The following CLIP1 variants were observed in gnomAD, a reference collection of about 807,000 sequenced individuals.
CLIP1 encodes CAP-Gly domain containing linker protein 1.
In CLIP1, 66 loss-of-function variants were observed where a neutral mutation model predicts 161.6. That is an observed-to-expected ratio of 0.41 (90% CI 0.33 to 0.50). The LOEUF is 0.50. Among genes scored for constraint, CLIP1 ranks in the 20% least tolerant of loss-of-function variants. The probability of loss-of-function intolerance (pLI) is 0.27; values close to 1 mark genes in which losing one functional copy is unlikely to be tolerated. For missense variants in CLIP1, 1,376 were observed against 1,702.0 expected (o/e 0.81, Z 3.37); for synonymous variants, 598 against 626.2 (o/e 0.96, Z 0.67).
At chr12:122,386,406 T>C (rs1190512155) in intron 1 of CLIP1, among the ~76,000 whole-genome samples, 1 of 152,334 alleles carries the variant, frequency 6.6e-6, no homozygotes, top group Middle Eastern at 3.4e-3. Context: ...AAAACGTCTA[T>C]TGACTAATGG....
chr12:122,311,921 G>A lies in CLIP1; in HGVS notation c.3474-2039C>T, dbSNP rs1160311886. On this transcript the variant is annotated intron_variant, in intron 19 of 25. Transcript: ENST00000620786. The surrounding 1 kb of genome is among the most constrained non-coding windows in gnomAD (Gnocchi z 4.3). ...GAGCTACAGCTGGCAGATGACTTCA[G>A]TCGTGGTTCAGATATAGAGCACTTT... Among the ~76,000 whole-genome samples the A allele has an allele frequency of 6.6e-6, 1 of 152,198 alleles. No homozygotes were observed. The highest frequency in any genetic ancestry group is 2.4e-5 in the African/African-American group (1 of 41,450).
chr12:122,378,519 T>TA (rs1202322842), intron 2 of CLIP1, among the ~76,000 whole-genome samples: 1 of 152,160 alleles, frequency 6.6e-6, no homozygotes, highest in Non-Finnish European at 1.5e-5. Context: ...TATTTGCAAT[T>TA]AAGATTAGAA....
chr12:122,352,933 C>T (rs1335202837), intron 7 of CLIP1, 147 bp from the exon 8 acceptor site: 9 of 660,590 alleles, frequency 1.4e-5, no homozygotes, highest in Middle Eastern at 3.4e-4. Context: ...GCAGGAGGAT[C>T]GCTTGAGGCC....
intron 23 of CLIP1, 44 bp from the exon 24 acceptor site, chr12:122,278,247 T>G (rs2136218507): frequency 2.8e-4 from 371 of 1,325,668 alleles, no homozygotes; most frequent in Non-Finnish European, 3.5e-4. Context: ...GGAGGGAGAA[T>G]ATATGTATAT....
chr12:122,302,762 A>C (rs1370758810), intron 20 of CLIP1, among the ~76,000 whole-genome samples: 6 of 151,624 alleles, frequency 4.0e-5, no homozygotes, highest in Non-Finnish European at 4.4e-5. Context: ...ACGCCTGGCT[A>C]ATTTTTGTAT....
chr12:122,323,400 G>A lies in CLIP1; in HGVS notation c.3250-4052C>T, dbSNP rs1361462485. 6.6e-6 allele frequency: 1 copy of A among 152,610 alleles called. No homozygotes were observed. Among genetic ancestry groups the A allele is most frequent in the East Asian group, 1.9e-4 (1 of 5,196 alleles). 9.5% of individuals were successfully genotyped at this position (152,610 alleles called of 1,614,324 possible). On this transcript the variant is annotated intron_variant, in intron 17 of 25. Coordinates refer to ENST00000620786, the MANE Select transcript of CLIP1 (RefSeq NM_001247997.2). This position sits in a 1 kb window ranked among gnomAD's most constrained non-coding sequence, Gnocchi z 4.1. ...GCCAAGGTTTCTTTCTCATGCAGAA[G>A]CTGGATGCACTCGGAGTCCGTGACC...
chr12:122,348,857 G>C (rs1002525459), intron 9 of CLIP1, among the ~76,000 whole-genome samples: 1 of 152,134 alleles, frequency 6.6e-6, no homozygotes. Context: ...CAGTAGAGGG[G>C]GGAATGTAAA....
chr12:122,422,373 C>G (rs991343001), intron 1 of CLIP1, 148 bp downstream of exon 1: 3 of 151,732 alleles, frequency 2.0e-5, no homozygotes, highest in African/African-American at 7.3e-5. Flanking sequence ...CCCTCCCGGA[C>G]GGCTCCGGCG....
chr12:122,294,729 C>A (rs1483414024), intron 20 of CLIP1, among the ~76,000 whole-genome samples: 2 of 151,846 alleles, frequency 1.3e-5, no homozygotes, highest in African/African-American at 4.8e-5. Flanking sequence ...CAGAGTGAGA[C>A]CCTGTCTCAA....
chr12:122,333,497 GCAC>G (rs1255508712), intron 14 of CLIP1, among the ~76,000 whole-genome samples: 1 of 152,188 alleles, frequency 6.6e-6, no homozygotes, highest in African/African-American at 2.4e-5. Context: ...CCACGTCTGA[GCAC>G]CACAAGGAGG....
rs962660320 is a variant in CLIP1 at position 122,310,943 on chromosome 12, A to T, written c.3474-1061T>A. Reference sequence around the variant, plus strand: ...ATATGCACACTGGGATGACCTCAGGAAGACTTAGGGAAATAAATCCACACA... The same window carrying T: ...ATATGCACACTGGGATGACCTCAGGTAGACTTAGGGAAATAAATCCACACA... On this transcript the variant is annotated intron_variant, in intron 19 of 25. Coordinates refer to ENST00000620786, the MANE Select transcript of CLIP1 (RefSeq NM_001247997.2). Among the ~76,000 whole-genome samples, 5 of 152,328 alleles carry T rather than the reference A, an allele frequency of 3.3e-5. No homozygotes were observed. The East Asian group carries it at 9.6e-4, about 29-fold the overall frequency.
chr12:122,278,092 C>T (rs745422705), intron 24 of CLIP1, 62 bp downstream of exon 24: 105 of 1,476,554 alleles, frequency 7.1e-5, no homozygotes, highest in East Asian at 1.8e-4. Flanking sequence ...GGAAAATAAA[C>T]GAAAAGATTC....
At chr12:122,418,423 A>G (rs984611373) in intron 1 of CLIP1, among the ~76,000 whole-genome samples, 1 of 152,146 alleles carries the variant, frequency 6.6e-6, no homozygotes, top group African/African-American at 2.4e-5. Context: ...TTGACCTTCC[A>G]TCTCATTTCT....
Position 122,279,407 on chromosome 12 carries a change from G to T in CLIP1, c.3648-262C>A. The T allele has an allele frequency of 1.6e-4, 26 of 160,362 alleles. No homozygotes were observed. Among genetic ancestry groups the T allele is most frequent in the East Asian group, 3.4e-4 (2 of 5,958 alleles). 9.9% of individuals were successfully genotyped at this position (160,362 alleles called of 1,614,324 possible). Reference sequence around the variant, plus strand: ...TATCCATTTGAACTTAAAGAAACAAGTTAATAAATTTGGAAGAGGTAGAAT... The same window carrying T: ...TATCCATTTGAACTTAAAGAAACAATTTAATAAATTTGGAAGAGGTAGAAT... On this transcript the variant is annotated intron_variant, in intron 21 of 25. Transcript: ENST00000620786. This position sits in a 1 kb window ranked among gnomAD's most constrained non-coding sequence, Gnocchi z 4.5.
intron 5 of CLIP1, among the ~76,000 whole-genome samples, chr12:122,357,301 G>T (rs1953461557): frequency 6.6e-6 from 1 of 151,686 alleles, no homozygotes; most frequent in South Asian, 2.1e-4. Flanking sequence ...CCCTGTCTGG[G>T]AGGTGAGGAG....
intron 21 of CLIP1, among the ~76,000 whole-genome samples, chr12:122,285,844 C>T (rs1239735539): frequency 6.6e-6 from 1 of 151,676 alleles, no homozygotes; most frequent in African/African-American, 2.4e-5. Flanking sequence ...TTGATAACTC[C>T]TTACATAAGG....
intron 3 of CLIP1, among the ~76,000 whole-genome samples, chr12:122,374,315 CAAAA>C (rs537296671): frequency 6.5e-5 from 3 of 45,938 alleles, no homozygotes; most frequent in East Asian, 8.3e-4. Context: ...ACTAAAAATA[CAAAA>C]AAAAAAAAAA....
chr12:122,380,079 CTAA>C (rs1348354927), intron 2 of CLIP1, among the ~76,000 whole-genome samples: 1 of 151,518 alleles, frequency 6.6e-6, no homozygotes, highest in Non-Finnish European at 1.5e-5. Flanking sequence ...CCCATCTCTA[CTAA>C]TAATACAAAA....
intron 9 of CLIP1, among the ~76,000 whole-genome samples, chr12:122,348,641 C>T (rs1403467089): frequency 1.3e-5 from 2 of 152,230 alleles, no homozygotes; most frequent in Middle Eastern, 3.4e-3. Context: ...CTCTTCCCAC[C>T]CCCACCTCTC....
Sources: gnomAD v4.1 joint callset for allele counts (sites outside exome capture counted in the v4.1 genomes callset) on GRCh38, gnomAD v4.1.1 for gene constraint, Gnocchi (gnomAD v3.1) non-coding constraint, MANE v1.5 for transcripts, NCBI Gene and HGNC (gene_info 2026-07-23, HGNC 2026-07-21) for gene names.